PHF20L1: variants seen among roughly 807,000 people sequenced by gnomAD.
PHF20L1 encodes the protein PHD finger protein 20-like protein 1.
In PHF20L1, 44 loss-of-function variants were observed where a neutral mutation model predicts 125.5. The ratio of observed to expected loss-of-function variants is 0.35; its 90% CI spans 0.28 to 0.45. The LOEUF (loss-of-function observed/expected upper bound fraction) is 0.45, where lower values mean the gene tolerates loss of function less well. Ranked by LOEUF, PHF20L1 falls within the 20% of genes least tolerant of loss-of-function variation. PHF20L1 has a pLI of 1.00. For missense variants in PHF20L1, 1,012 were observed against 1,217.2 expected (o/e 0.83, Z 2.51); for synonymous variants, 380 against 403.1 (o/e 0.94, Z 0.69).
chr8:132,844,179 A>T lies in PHF20L1; in HGVS notation c.2772A>T (p.Val924=). 6.2e-7 allele frequency: 1 copy of T among 1,612,708 alleles called. No individual in the cohort carries two copies. Among genetic ancestry groups the T allele is most frequent in the Non-Finnish European group, 8.5e-7 (1 of 1,179,086 alleles). The change falls in exon 20 of 21, where the codon GTA becomes GTT. Residue 924 remains valine, a synonymous_variant. Coordinates refer to ENST00000395386, the MANE Select transcript of PHF20L1 (RefSeq NM_016018.5). The part of the protein sequence containing the change: ...PEKNPAEGNT[V]FVYNDKKGTE... Reference sequence around the variant, plus strand: ...AGAATCCAGCTGAAGGGAATACAGTATTTGTTTATAATGATAAAAAGGGCA... The same window carrying T: ...AGAATCCAGCTGAAGGGAATACAGTTTTTGTTTATAATGATAAAAAGGGCA...
At chr8:132,780,186 C>A (rs1198943459) in intron 2 of PHF20L1, among the ~76,000 whole-genome samples, 1 of 152,080 alleles carries the variant, frequency 6.6e-6, no homozygotes, top group Non-Finnish European at 1.5e-5. Flanking sequence ...GTTTCAAGAA[C>A]TAGTTAGGCT....
At chr8:132,783,577 G>A (rs981630391) in intron 2 of PHF20L1, among the ~76,000 whole-genome samples, 15 of 152,144 alleles carry the variant, frequency 9.9e-5, no homozygotes, top group African/African-American at 3.6e-4. Context: ...TGGTCCTAAA[G>A]TGTAACATGT....
chr8:132,845,999 G>C lies in PHF20L1; in HGVS notation c.*76G>C. 8.8e-7 allele frequency: 1 copy of C among 1,134,610 alleles called. No individual in the cohort carries two copies. Among genetic ancestry groups the C allele is most frequent in the Non-Finnish European group, 1.3e-6 (1 of 780,058 alleles). 70.3% of individuals were successfully genotyped at this position (1,134,610 alleles called of 1,614,324 possible). A position where few individuals can be genotyped will look rare whatever the true frequency, so the allele number is the denominator to read the frequency against. The stretch of plus-strand genomic sequence containing the variant: ...TTTATTATCCACGTGATGGCTAAGT[G>C]GATAATTTAAAAGCTTAGTAATGTC... On this transcript the variant is annotated 3_prime_UTR_variant, in exon 21 of 21. Coordinates refer to ENST00000395386, the MANE Select transcript of PHF20L1 (RefSeq NM_016018.5).
chr8:132,778,852 A>G (rs999313497), intron 2 of PHF20L1, among the ~76,000 whole-genome samples: 9 of 152,126 alleles, frequency 5.9e-5, no homozygotes, highest in African/African-American at 1.9e-4. Context: ...AAGCCCGTTT[A>G]TTTTGATGCG....
At chr8:132,843,226 T>C in intron 19 of PHF20L1, 1 of 1,005,078 alleles carries the variant, frequency 9.9e-7, no homozygotes, top group South Asian at 4.4e-5. Context: ...ATGATTTGTC[T>C]TCCTCTTTAT....
intron 2 of PHF20L1, among the ~76,000 whole-genome samples, chr8:132,780,366 A>C (rs1025239517): frequency 4.6e-5 from 7 of 152,290 alleles, no homozygotes; most frequent in African/African-American, 1.7e-4. Context: ...CCATTTGTAA[A>C]TGACCATTTT....
chr8:132,843,520 G>T, intron 19 of PHF20L1: 1 of 984,138 alleles, frequency 1.0e-6, no homozygotes, highest in Non-Finnish European at 1.2e-6. Flanking sequence ...TTTGTATTTC[G>T]TATCATAAAG....
intron 1 of PHF20L1, among the ~76,000 whole-genome samples, chr8:132,776,820 C>G (rs1251819783): frequency 1.3e-5 from 2 of 152,160 alleles, no homozygotes; most frequent in African/African-American, 4.8e-5. Context: ...TTTTACGGAT[C>G]TCTCCTCGCC....
intron 3 of PHF20L1, 64 bp downstream of exon 3, chr8:132,794,645 A>C: frequency 6.7e-7 from 1 of 1,492,442 alleles, no homozygotes; most frequent in South Asian, 1.2e-5. Context: ...TTTTAAAAGG[A>C]TTCTGTTAAA....
Position 132,846,060 on chromosome 8 carries a change from C to A in PHF20L1, c.*137C>A. 2 of 615,514 alleles carry A rather than the reference C, an allele frequency of 3.2e-6. No individual in the cohort carries two copies. Among genetic ancestry groups the A allele is most frequent in the East Asian group, 2.8e-5 (1 of 35,646 alleles). The allele number at this position is 615,514 out of a possible 1,614,324, so 38.1% of individuals were successfully genotyped here. A position where few individuals can be genotyped will look rare whatever the true frequency, so the allele number is the denominator to read the frequency against. On this transcript the variant is annotated 3_prime_UTR_variant, in exon 21 of 21. Transcript: ENST00000395386. ...CTGATTTGTGATGTCAATAGGATGG[C>A]ACCTTGGAAAGAAAAATGAAGAACA...
chr8:132,781,792 G>C (rs929525817), intron 2 of PHF20L1, among the ~76,000 whole-genome samples: 2 of 152,096 alleles, frequency 1.3e-5, no homozygotes, highest in African/African-American at 2.4e-5. Flanking sequence ...ACACTCATTG[G>C]TGGTTTATTT....
intron 14 of PHF20L1, chr8:132,826,330 A>G (rs1056243923): frequency 6.6e-6 from 1 of 152,138 alleles, no homozygotes; most frequent in African/African-American, 2.4e-5. Flanking sequence ...AGGCAACTAC[A>G]CAACTACTGT....
intron 16 of PHF20L1, among the ~76,000 whole-genome samples, chr8:132,837,426 T>C (rs1359479247): frequency 6.6e-6 from 1 of 152,186 alleles, no homozygotes; most frequent in East Asian, 1.9e-4. Context: ...TATGATATGA[T>C]TGCCTAAATA....
At chr8:132,818,393 T>C (rs1028766189) in intron 12 of PHF20L1, 12 of 151,936 alleles carry the variant, frequency 7.9e-5, no homozygotes, top group African/African-American at 2.7e-4. Flanking sequence ...GTGATCATTG[T>C]GTTTACAGGC....
At chr8:132,819,881 G>A (rs1355308540) in intron 12 of PHF20L1, among the ~76,000 whole-genome samples, 1 of 151,868 alleles carries the variant, frequency 6.6e-6, no homozygotes, top group East Asian at 2.0e-4. Context: ...AATGATGAGG[G>A]TGTTAGTTGC....
intron 10 of PHF20L1, 132 bp from the exon 11 acceptor site, chr8:132,816,756 C>T: frequency 1.5e-6 from 1 of 647,504 alleles, no homozygotes; most frequent in South Asian, 2.1e-5. Flanking sequence ...TGGAACATGC[C>T]ATTCCTTGTG....
At chr8:132,811,607 A>G in intron 9 of PHF20L1, 1 of 981,534 alleles carries the variant, frequency 1.0e-6, no homozygotes, top group Non-Finnish European at 1.2e-6. Flanking sequence ...TAATAACTAC[A>G]AAAAAAGAGA....
In PHF20L1 at chr8:132,847,025, T is replaced by C. The variant is rs1280781056; in HGVS notation, c.*1102T>C. 6.6e-6 allele frequency: 1 copy of C among 152,544 alleles called. No homozygotes were observed. The highest frequency in any genetic ancestry group is 6.6e-5 in the Admixed American group (1 of 15,262). The allele number at this position is 152,544 out of a possible 1,614,324, so 9.4% of individuals were successfully genotyped here. On this transcript the variant is annotated 3_prime_UTR_variant, in exon 21 of 21. Coordinates refer to ENST00000395386, the MANE Select transcript of PHF20L1 (RefSeq NM_016018.5). ...AGCTTTGATCACAAGTGGACAAATT[T>C]CTGAAACCAAAGGCAACTAAGTTGC...
At chr8:132,790,601 G>A (rs1210839914) in intron 2 of PHF20L1, among the ~76,000 whole-genome samples, 1 of 152,124 alleles carries the variant, frequency 6.6e-6, no homozygotes, top group Non-Finnish European at 1.5e-5. Context: ...CTAGCCAAAA[G>A]GACTGTTACT....
Sources: gnomAD v4.1 joint callset for allele counts (sites outside exome capture counted in the v4.1 genomes callset) on GRCh38, gnomAD v4.1.1 for gene constraint, MANE v1.5 for transcripts, NCBI Gene and HGNC (gene_info 2026-07-23, HGNC 2026-07-21) for gene names.